Variants in CDK5RAP2 observed in about 807,000 individuals in gnomAD.
CDK5RAP2 encodes CDK5 regulatory subunit associated protein 2.
CDK5RAP2 carries 147 observed loss-of-function variants against 232.9 expected under a neutral mutation model. The observed-to-expected ratio is 0.63, with a 90% CI of 0.55 to 0.72. The LOEUF (loss-of-function observed/expected upper bound fraction) is 0.72. Ranked by LOEUF, CDK5RAP2 falls within the 30% of genes least tolerant of loss-of-function variation. CDK5RAP2 has a pLI of 0.00. For missense variants in CDK5RAP2, 2,195 were observed against 2,231.5 expected, an observed-to-expected ratio of 0.98 and a Z score of 0.33; for synonymous variants, 833 against 833.7, an observed-to-expected ratio of 1.00 and a Z score of 0.01.
At chr9:120,477,284 C>T (rs962375250) in intron 15 of CDK5RAP2, 66 bp downstream of exon 15, 8 of 1,106,604 alleles carry the variant, frequency 7.2e-6, no homozygotes, top group African/African-American at 6.1e-5. Context: ...AGGGTGTGTG[C>T]GTGTATGCGC....
intron 3 of CDK5RAP2, among the ~76,000 whole-genome samples, chr9:120,566,168 C>T (rs2042640485): frequency 6.6e-6 from 1 of 152,168 alleles, no homozygotes; most frequent in Admixed American, 6.5e-5. Flanking sequence ...GTGCCAAGAG[C>T]ATTTCCTATA....
At chr9:120,409,441 C>A in intron 29 of CDK5RAP2, 125 bp from the exon 30 acceptor site, 1 of 773,896 alleles carries the variant, frequency 1.3e-6, no homozygotes, top group South Asian at 1.6e-5. Context: ...ATGATTTTGG[C>A]ATTCCAATTA....
Position 120,518,553 on chromosome 9 carries a change from G to A in CDK5RAP2, c.1185C>T (p.His395=), listed in dbSNP as rs1346323543. The change falls in exon 12 of 38, where the codon CAC becomes CAT. Residue 395 remains histidine, a synonymous_variant. Coordinates refer to ENST00000349780, the MANE Select transcript of CDK5RAP2 (RefSeq NM_018249.6). ...SQNLTKSTEN[H]RLRRSIKKIT... is the part of the protein sequence containing the mutation. Reference sequence around the variant, plus strand: ...TCTTCTTAATGCTTCTACGCAGTCTGTGGTTCTCTGTACTCTTGGTGAGGT... The same window carrying A: ...TCTTCTTAATGCTTCTACGCAGTCTATGGTTCTCTGTACTCTTGGTGAGGT... 6.2e-7 allele frequency: 1 copy of A among 1,613,718 alleles called. No homozygotes were observed. The highest frequency in any genetic ancestry group is 8.5e-7 in the Non-Finnish European group (1 of 1,179,980).
intron 18 of CDK5RAP2, among the ~76,000 whole-genome samples, chr9:120,463,957 C>G (rs1019216647): frequency 6.6e-6 from 1 of 152,226 alleles, no homozygotes; most frequent in African/African-American, 2.4e-5. Flanking sequence ...CCTACCACCA[C>G]TAAAGAAGCA....
rs535472770 is a variant in CDK5RAP2, at chr9:120,570,295, G to A, written c.127+1679C>T. Reference sequence around the variant, plus strand: ...CCCTCCTTTTTCCTTACCTACATCTGACTTATTCAGGTCTCCGCTCCAATA... The same window carrying A: ...CCCTCCTTTTTCCTTACCTACATCTAACTTATTCAGGTCTCCGCTCCAATA... On this transcript the variant is annotated intron_variant, in intron 2 of 37. Transcript: ENST00000349780. Among the ~76,000 whole-genome samples, 15 of 152,190 alleles carry A rather than the reference G, an allele frequency of 9.9e-5. No individual in the cohort carries two copies. In the East Asian group the frequency reaches 2.7e-3, roughly 27 times the overall value.
intron 12 of CDK5RAP2, among the ~76,000 whole-genome samples, chr9:120,503,422 A>G (rs2039667845): frequency 1.3e-5 from 2 of 152,218 alleles, no homozygotes; most frequent in Non-Finnish European, 2.9e-5. Flanking sequence ...AGACAGGCTC[A>G]TGCACTTGCC....
At chr9:120,443,010 T>C (rs1221755982) in intron 23 of CDK5RAP2, among the ~76,000 whole-genome samples, 1 of 152,202 alleles carries the variant, frequency 6.6e-6, no homozygotes, top group African/African-American at 2.4e-5. Flanking sequence ...CATTTGTTCA[T>C]TCTGGTTGAA....
At chr9:120,455,322 G>C (rs2036700671) in intron 20 of CDK5RAP2, among the ~76,000 whole-genome samples, 1 of 151,006 alleles carries the variant, frequency 6.6e-6, no homozygotes, top group Non-Finnish European at 1.5e-5. Flanking sequence ...GAAGGGGTGA[G>C]GCTGGAAAGA....
At chr9:120,477,641 A>G (rs1329573755) in intron 14 of CDK5RAP2, among the ~76,000 whole-genome samples, 191 bp from the exon 15 acceptor site, 1 of 152,212 alleles carries the variant, frequency 6.6e-6, no homozygotes, top group Non-Finnish European at 1.5e-5. Flanking sequence ...ATGACTGCCC[A>G]TCACTCATCC....
intron 1 of CDK5RAP2, among the ~76,000 whole-genome samples, chr9:120,574,430 C>G (rs941594242): frequency 2.0e-5 from 3 of 152,220 alleles, no homozygotes; most frequent in African/African-American, 7.2e-5. Flanking sequence ...TCTTATTCCA[C>G]AGATGAGAAG....
intron 3 of CDK5RAP2, among the ~76,000 whole-genome samples, chr9:120,564,509 A>C (rs1192618416): frequency 1.3e-5 from 2 of 151,740 alleles, no homozygotes; most frequent in African/African-American, 4.8e-5. Context: ...AAAAAATAAA[A>C]AATCATACAA....
chr9:120,430,252 T>C (rs1290304628), intron 25 of CDK5RAP2, among the ~76,000 whole-genome samples: 1 of 152,122 alleles, frequency 6.6e-6, no homozygotes, highest in Admixed American at 6.5e-5. Context: ...AAAGCCAAAA[T>C]TGACAAATGG....
intron 25 of CDK5RAP2, among the ~76,000 whole-genome samples, chr9:120,433,854 G>GT (rs2035421991): frequency 6.6e-6 from 1 of 152,194 alleles, no homozygotes; most frequent in Admixed American, 6.5e-5. Flanking sequence ...CTCCACAGCT[G>GT]TAACACTAGA....
At chr9:120,482,428 C>T (rs1275374253) in intron 14 of CDK5RAP2, among the ~76,000 whole-genome samples, 1 of 152,170 alleles carries the variant, frequency 6.6e-6, no homozygotes. Flanking sequence ...CCTACCCTTC[C>T]AACTCAGTGG....
chr9:120,419,266 T>C (rs1168087207), intron 27 of CDK5RAP2, among the ~76,000 whole-genome samples: 1 of 152,242 alleles, frequency 6.6e-6, no homozygotes, highest in Non-Finnish European at 1.5e-5. Context: ...ACCCATTCTA[T>C]GGCGTTCTGT....
chr9:120,518,201 GTGTGTGT>G (rs2040434301), intron 12 of CDK5RAP2, among the ~76,000 whole-genome samples: 1 of 108,980 alleles, frequency 9.2e-6, no homozygotes, highest in African/African-American at 3.8e-5. Flanking sequence ...GTGTGTGTGT[GTGTGTGT>G]GTGAGAGAGA....
intron 35 of CDK5RAP2, among the ~76,000 whole-genome samples, chr9:120,396,001 TGAAA>T (rs200579632): frequency 6.6e-6 from 1 of 152,236 alleles, no homozygotes; most frequent in East Asian, 1.9e-4. Flanking sequence ...ATGCAGTTTA[TGAAA>T]GAAAGAAGAT....
rs1345394059 is a variant in CDK5RAP2 at position 120,437,492 on chromosome 9, A to G, written c.3758T>C (p.Leu1253Pro). ...CTTAATCTGCTGCCGTTGAAGGGAG[A>G]GCTCCCTGGCTTGGGACTGAACTAA... is the stretch of plus-strand genomic sequence containing the variant. ...DSLVQSQARE[L>P]SLQRQQIKDG... The change falls in exon 25 of 38, where the codon CTC becomes CCC. Residue 1253 changes from leucine to proline, a missense_variant. Leu to Pro is a moderately conservative substitution (Grantham distance 98). Coordinates refer to ENST00000349780, the MANE Select transcript of CDK5RAP2 (RefSeq NM_018249.6). 6.2e-7 allele frequency: 1 copy of G among 1,614,038 alleles called. No homozygotes were observed. The highest frequency in any genetic ancestry group is 2.2e-5 in the East Asian group (1 of 44,884).
At chr9:120,536,727 G>A (rs987087098) in intron 6 of CDK5RAP2, 7 of 657,144 alleles carry the variant, frequency 1.1e-5, no homozygotes, top group Non-Finnish European at 1.9e-5. Context: ...AGCATAACAG[G>A]CATTTCCAAT....
Sources: gnomAD v4.1 joint callset for allele counts (sites outside exome capture counted in the v4.1 genomes callset) on GRCh38, gnomAD v4.1.1 for gene constraint, MANE v1.5 for transcripts, NCBI Gene and HGNC (gene_info 2026-07-23, HGNC 2026-07-21) for gene names.